Variants in ACTG1 observed in about 807,000 individuals in gnomAD.
The protein encoded by ACTG1 is actin gamma 1.
ACTG1 carries 14 observed loss-of-function variants against 34.3 expected under a neutral mutation model. The observed-to-expected ratio is 0.41, with a 90% CI of 0.27 to 0.64. The LOEUF is 0.64. ACTG1 is among the 30% of genes least tolerant of loss of function. The pLI is 0.33. For missense variants in ACTG1, 233 were observed against 529.5 expected (o/e 0.44, Z 5.50); for synonymous variants, 422 against 213.9 (o/e 1.97, Z -8.49).
In ACTG1 at chr17:81,510,578, G is replaced by C; in HGVS notation, c.*112C>G. ...CAAGCTTCAAGGACAATTTCTTTTC[G>C]AAGGCTTATTCCAGTTTCGTGAGGC... On this transcript the variant is annotated 3_prime_UTR_variant, in exon 6 of 6. Transcript: ENST00000573283. The C allele has an allele frequency of 7.3e-7, 1 of 1,378,528 alleles. No individual in the cohort carries two copies. The highest frequency in any genetic ancestry group is 1.0e-6 in the Non-Finnish European group (1 of 970,146). 85.4% of individuals were successfully genotyped at this position (1,378,528 alleles called of 1,614,324 possible).
rs374821448 is a variant in ACTG1 at position 81,511,128 on chromosome 17, C to G, written c.803-20G>C. The G allele has an allele frequency of 1.9e-6, 3 of 1,613,758 alleles. No individual in the cohort carries two copies. Among genetic ancestry groups the G allele is most frequent in the South Asian group, 2.2e-5 (2 of 91,088 alleles). ...CCATACCTAGGGGACAGAGCCCTCCCTTAGTGATGCTGTGTCACCGAGGAT... is the reference window on the plus strand; with the variant it reads ...CCATACCTAGGGGACAGAGCCCTCCGTTAGTGATGCTGTGTCACCGAGGAT... On this transcript the variant is annotated intron_variant, in intron 4 of 5. Coordinates refer to ENST00000573283, the MANE Select transcript of ACTG1 (RefSeq NM_001614.5).
rs782747695 is a variant in ACTG1 at position 81,512,331 on chromosome 17, CA to C, written c.23del (p.Leu8ArgfsTer58). ...ACATGCCGGAGCCATTGTCAATGAC[CA>C]GCGCGGCGATCTCTTCTTCCATTGC... is the stretch of plus-strand genomic sequence containing the variant. MEEEIAALVIDNGSGMCK... is the reference protein window; with the variant it reads MEEEIAAXVIDNGSGMCK... On this transcript the variant is annotated frameshift_variant, in exon 2 of 6. Coordinates refer to ENST00000573283, the MANE Select transcript of ACTG1 (RefSeq NM_001614.5). LOFTEE classifies it high-confidence loss of function. 6.2e-7 allele frequency: 1 copy of C among 1,614,002 alleles called. No individual in the cohort carries two copies. The highest frequency in any genetic ancestry group is 8.5e-7 in the Non-Finnish European group (1 of 1,179,954).
At position 81,511,917 on chromosome 17, in the gene ACTG1, C is replaced by A; in HGVS notation, c.349G>T (p.Glu117Ter). ...EAPLNPKANR[E>*]KMTQIMFETF... ...CCGAGCCTCACCTGAGTCATCTTCT[C>A]TCTGTTGGCCTTGGGGTTCAGGGGG... is the stretch of plus-strand genomic sequence containing the variant. The change falls in exon 3 of 6, where the codon GAG becomes TAG. Residue 117 changes from glutamate to a stop codon, truncating the protein, a stop_gained. Coordinates refer to ENST00000573283, the MANE Select transcript of ACTG1 (RefSeq NM_001614.5). LOFTEE classifies it high-confidence loss of function. 6.2e-7 allele frequency: 1 copy of A among 1,614,116 alleles called. No individual in the cohort carries two copies. The highest frequency in any genetic ancestry group is 8.5e-7 in the Non-Finnish European group (1 of 1,180,028).
rs1160515254 is a variant in ACTG1, at chr17:81,512,788, G to T, written c.-61C>A. On this transcript the variant is annotated 5_prime_UTR_variant, in exon 1 of 6. The change creates a new upstream start codon in the 5' untranslated region. Transcript: ENST00000573283. ...GAAGAACAGAGTGCGAGAGCTGGCA[G>T]CGGCGACTGAGACCGACCGCGGCCT... 9.7e-6 allele frequency: 4 copies of T among 411,100 alleles called. No homozygotes were observed. The highest frequency in any genetic ancestry group is 1.9e-5 in the Non-Finnish European group (4 of 208,162). The allele number at this position is 411,100 out of a possible 1,614,324, so 25.5% of individuals were successfully genotyped here.
chr17:81,510,099 A>G lies in ACTG1; in HGVS notation c.*591T>C. The G allele has an allele frequency of 2.2e-6, 1 of 464,688 alleles. No homozygotes were observed. The allele number at this position is 464,688 out of a possible 1,614,324, so 28.8% of individuals were successfully genotyped here. A position where few individuals can be genotyped will look rare whatever the true frequency, so the allele number is the denominator to read the frequency against. On this transcript the variant is annotated 3_prime_UTR_variant, in exon 6 of 6. Coordinates refer to ENST00000573283, the MANE Select transcript of ACTG1 (RefSeq NM_001614.5). Reference sequence around the variant, plus strand: ...AAAGAATCGAGAATTGCGTACAAAAAAAACCTTACATAAATTAAGAATGAA... The same window carrying G: ...AAAGAATCGAGAATTGCGTACAAAAGAAACCTTACATAAATTAAGAATGAA...
In ACTG1 at chr17:81,512,450, G is replaced by T. The variant is rs782132789; in HGVS notation, c.-6-90C>A. ...TAATGCCCTCCCGCGGGGAAGCCTC[G>T]GCCCTGCCCCAACCCCAGCGGCCGT... On this transcript the variant is annotated intron_variant, in intron 1 of 5. Transcript: ENST00000573283. 3.7e-6 allele frequency: 6 copies of T among 1,604,528 alleles called. No individual in the cohort carries two copies. In the African/African-American group the frequency reaches 5.4e-5, roughly 14 times the overall value.
rs373099591 is a variant in ACTG1, at chr17:81,511,321, G to A, written c.669C>T (p.Phe223=). 4.0e-5 allele frequency: 64 copies of A among 1,613,794 alleles called. No homozygotes were observed. The highest frequency in any genetic ancestry group is 1.3e-4 in the East Asian group (6 of 44,890). ...ATGCGGCGGTGGCCATCTCCTGCTCGAAGTCCAGGGCGACGTAGCACAGCT... is the reference window on the plus strand; with the variant it reads ...ATGCGGCGGTGGCCATCTCCTGCTCAAAGTCCAGGGCGACGTAGCACAGCT... ...KEKLCYVALD[F]EQEMATAASS... is the part of the protein sequence containing the mutation. The change falls in exon 4 of 6, where the codon TTC becomes TTT. Residue 223 remains phenylalanine (F), a synonymous_variant. Transcript: ENST00000573283.
chr17:81,510,821 G>C lies in ACTG1; in HGVS notation c.997C>G (p.Pro333Ala). ...ATCCACACCGAGTACTTGCGCTCTG[G>C]GGGTGCGATGATCTGCAAAGACAGC... ...STMKIKIIAP[P>A]ERKYSVWIGG... is the part of the protein sequence containing the mutation. Residue 333 changes from proline to alanine, a missense_variant, in exon 6 of 6, where the codon CCA becomes GCA. Pro to Ala is a conservative substitution (Grantham distance 27). Transcript: ENST00000573283. The C allele has an allele frequency of 6.2e-7, 1 of 1,613,942 alleles. No homozygotes were observed. The highest frequency in any genetic ancestry group is 8.5e-7 in the Non-Finnish European group (1 of 1,179,988).
At position 81,511,891 on chromosome 17, in the gene ACTG1, G is replaced by C. The variant is rs782757560; in HGVS notation, c.363+12C>G. The C allele has an allele frequency of 9.9e-6, 16 of 1,613,938 alleles. No individual in the cohort carries two copies. The highest frequency in any genetic ancestry group is 1.4e-5 in the Non-Finnish European group (16 of 1,179,980). On this transcript the variant is annotated intron_variant, in intron 3 of 5. Coordinates refer to ENST00000573283, the MANE Select transcript of ACTG1 (RefSeq NM_001614.5). Reference sequence around the variant, plus strand: ...AAGGACGGGAGGAGCACGGGCGTCGGCCGAGCCTCACCTGAGTCATCTTCT... The same window carrying C: ...AAGGACGGGAGGAGCACGGGCGTCGCCCGAGCCTCACCTGAGTCATCTTCT...
In ACTG1 at chr17:81,511,261, G is replaced by A. The variant is rs2230159; in HGVS notation, c.729C>T (p.Pro243=). 0.015 allele frequency: 23,701 copies of A among 1,613,722 alleles called. 272 individuals carry two copies. Among genetic ancestry groups the A allele is most frequent in the East Asian group, 0.039 (1,757 of 44,878 alleles). The change falls in exon 4 of 6, where the codon CCC becomes CCT. Residue 243 remains proline (P), a synonymous_variant. Transcript: ENST00000573283. The stretch of plus-strand genomic sequence containing the variant: ...TGCCAATGGTGATGACCTGGCCATC[G>A]GGCAGCTCGTAGCTCTTCTCCAGAG... ...SSSLEKSYEL[P]DGQVITIGNE... is the part of the protein sequence containing the mutation.
chr17:81,512,675 CG>C, intron 1 of ACTG1, 58 bp downstream of exon 1: 1 of 404,810 alleles, frequency 2.5e-6, no homozygotes, highest in Non-Finnish European at 4.6e-6. Context: ...CGGGGCCAGC[CG>C]GGGTCGGGGG....
rs1358455180 is a variant in ACTG1, at chr17:81,510,919, C to T, written c.984+8G>A. On this transcript the variant is annotated splice_region_variant and intron_variant, in intron 5 of 5. Transcript: ENST00000573283. ...GCCAGGCAGAGGGCCACCAACCCCT[C>T]GACTCACCTTGATCTTCATGGTGCT... The T allele has an allele frequency of 1.4e-5, 22 of 1,613,880 alleles. No homozygotes were observed. Among genetic ancestry groups the T allele is most frequent in the East Asian group, 4.5e-5 (2 of 44,898 alleles).
rs374821448 is a variant in ACTG1, at chr17:81,511,128, C to T, written c.803-20G>A. The T allele has an allele frequency of 4.2e-5, 68 of 1,613,758 alleles. No individual in the cohort carries two copies. The highest frequency in any genetic ancestry group is 5.3e-5 in the Non-Finnish European group (63 of 1,180,036). The stretch of plus-strand genomic sequence containing the variant: ...CCATACCTAGGGGACAGAGCCCTCC[C>T]TTAGTGATGCTGTGTCACCGAGGAT... On this transcript the variant is annotated intron_variant, in intron 4 of 5. Transcript: ENST00000573283.
At position 81,511,847 on chromosome 17, in the gene ACTG1, G is replaced by A. The variant is rs202038633; in HGVS notation, c.363+56C>T. 1.1e-3 allele frequency: 1,738 copies of A among 1,610,608 alleles called. 3 individuals carry two copies. The highest frequency in any genetic ancestry group is 2.2e-3 in the South Asian group (203 of 91,020). ...CACTTAAATGTCAGAAATCAAGCCGGGCAGAAAATGACTGGGGAAAGGACG... is the reference window on the plus strand; with the variant it reads ...CACTTAAATGTCAGAAATCAAGCCGAGCAGAAAATGACTGGGGAAAGGACG... On this transcript the variant is annotated intron_variant, in intron 3 of 5. Coordinates refer to ENST00000573283, the MANE Select transcript of ACTG1 (RefSeq NM_001614.5).
chr17:81,509,989 T>G lies in ACTG1; in HGVS notation c.*701A>C, dbSNP rs2031646540. 1 of 401,140 alleles carries G rather than the reference T, an allele frequency of 2.5e-6. No individual in the cohort carries two copies. The highest frequency in any genetic ancestry group is 2.1e-5 in the African/African-American group (1 of 47,580). 24.8% of individuals were successfully genotyped at this position (401,140 alleles called of 1,614,324 possible). ...CCATTCATTGGTTACGGCAGCACTT[T>G]TATTTTTCCTTACACAATGACGTGT... On this transcript the variant is annotated 3_prime_UTR_variant, in exon 6 of 6. Coordinates refer to ENST00000573283, the MANE Select transcript of ACTG1 (RefSeq NM_001614.5).
In ACTG1 at chr17:81,511,023, G is replaced by A. The variant is rs782140372; in HGVS notation, c.888C>T (p.Asn296=). 2.5e-6 allele frequency: 4 copies of A among 1,614,064 alleles called. No homozygotes were observed. The highest frequency in any genetic ancestry group is 3.3e-5 in the Admixed American group (2 of 60,030). The change falls in exon 5 of 6, where the codon AAC becomes AAT. Residue 296 remains asparagine, a synonymous_variant. Transcript: ENST00000573283. ...TGGTGGTGCCGCCCGACAGCACCGT[G>A]TTGGCGTACAGGTCTTTGCGGATGT... ...DVDIRKDLYA[N]TVLSGGTTMY... is the part of the protein sequence containing the mutation.
At position 81,511,432 on chromosome 17, in the gene ACTG1, G is replaced by T. The variant is rs142893042; in HGVS notation, c.558C>A (p.Thr186=). ...LRLDLAGRDL[T]DYLMKILTER... The stretch of plus-strand genomic sequence containing the variant: ...CAGTGAGGATCTTCATGAGGTAGTC[G>T]GTCAGGTCCCGGCCAGCCAGGTCCA... Residue 186 remains threonine, a synonymous_variant, in exon 4 of 6, where the codon ACC becomes ACA. Coordinates refer to ENST00000573283, the MANE Select transcript of ACTG1 (RefSeq NM_001614.5). 9 of 1,613,774 alleles carry T rather than the reference G, an allele frequency of 5.6e-6. No individual in the cohort carries two copies. The African/African-American group carries it at 8.0e-5, about 14-fold the overall frequency.
At chr17:81,512,586 C>CA (rs2143788315) in intron 1 of ACTG1, 148 bp downstream of exon 1, 1 of 669,940 alleles carries the variant, frequency 1.5e-6, no homozygotes, top group East Asian at 2.9e-5. Context: ...CCGGCGCCCC[C>CA]CCAGCCCCGT....
chr17:81,510,597 G>C lies in ACTG1; in HGVS notation c.*93C>G. 2.0e-6 allele frequency: 3 copies of C among 1,513,824 alleles called. No individual in the cohort carries two copies. Among genetic ancestry groups the C allele is most frequent in the Non-Finnish European group, 9.2e-7 (1 of 1,090,982 alleles). 93.8% of individuals were successfully genotyped at this position (1,513,824 alleles called of 1,614,324 possible). On this transcript the variant is annotated 3_prime_UTR_variant, in exon 6 of 6. Transcript: ENST00000573283. The stretch of plus-strand genomic sequence containing the variant: ...CTTTTCGAAGGCTTATTCCAGTTTC[G>C]TGAGGCTAGCATGAGGTGTGTGCAT...
Sources: gnomAD v4.1 joint callset for allele counts on GRCh38, gnomAD v4.1.1 for gene constraint, MANE v1.5 for transcripts, NCBI Gene and HGNC (gene_info 2026-07-23, HGNC 2026-07-21) for gene names.